PPP3R1: variants seen among roughly 807,000 people sequenced by gnomAD.
PPP3R1 encodes calcineurin subunit B type 1.
Under a neutral mutation model 22.6 loss-of-function variants are expected in PPP3R1, and 5 were observed. The ratio of observed to expected loss-of-function variants is 0.22; its 90% CI spans 0.12 to 0.46. The LOEUF is 0.46. Ranked by LOEUF, PPP3R1 falls within the 20% of genes least tolerant of loss-of-function variation. The pLI is 0.99. For missense variants in PPP3R1, 61 were observed against 203.2 expected (o/e 0.30, Z 4.25); for synonymous variants, 56 against 65.2 (o/e 0.86, Z 0.68).
At chr2:68,198,586 TTA>T (rs1416928494) in intron 2 of PPP3R1, among the ~76,000 whole-genome samples, 2 of 151,910 alleles carry the variant, frequency 1.3e-5, no homozygotes, top group Admixed American at 6.6e-5. Flanking sequence ...TACCACAGTG[TTA>T]TGTTTTATGG....
At chr2:68,251,947 C>G (rs1670371028) in intron 1 of PPP3R1, among the ~76,000 whole-genome samples, 178 bp downstream of exon 1, 1 of 147,382 alleles carries the variant, frequency 6.8e-6, no homozygotes, top group Admixed American at 6.7e-5. Context: ...GTCCTGTCAG[C>G]AGCCGCCCCG....
At chr2:68,226,821 T>A (rs1669790954) in intron 1 of PPP3R1, among the ~76,000 whole-genome samples, 1 of 152,152 alleles carries the variant, frequency 6.6e-6, no homozygotes, top group African/African-American at 2.4e-5. Flanking sequence ...AAGGTTAGAT[T>A]AAGGGCATTA....
chr2:68,230,572 G>C (rs889663178), intron 1 of PPP3R1, among the ~76,000 whole-genome samples: 2 of 125,930 alleles, frequency 1.6e-5, no homozygotes, highest in Non-Finnish European at 3.5e-5. Context: ...CTCAAAAGGA[G>C]AATGTCTATT....
intron 1 of PPP3R1, among the ~76,000 whole-genome samples, chr2:68,224,144 G>T (rs1211232046): frequency 6.6e-6 from 1 of 152,124 alleles, no homozygotes; most frequent in East Asian, 1.9e-4. Flanking sequence ...AGAAAACCCA[G>T]CTATATTTGT....
chr2:68,221,506 T>A (rs771601812), intron 1 of PPP3R1, among the ~76,000 whole-genome samples: 2 of 152,118 alleles, frequency 1.3e-5, no homozygotes. Context: ...AATAAATAAA[T>A]AAACAAATGT....
chr2:68,211,002 A>C (rs1179616463), intron 2 of PPP3R1, among the ~76,000 whole-genome samples: 1 of 152,170 alleles, frequency 6.6e-6, no homozygotes, highest in Non-Finnish European at 1.5e-5. Flanking sequence ...GAACTACATG[A>C]ATTTTTTTGT....
At chr2:68,227,212 A>G (rs1669799299) in intron 1 of PPP3R1, among the ~76,000 whole-genome samples, 1 of 151,984 alleles carries the variant, frequency 6.6e-6, no homozygotes, top group African/African-American at 2.4e-5. Flanking sequence ...AAATTTCTTT[A>G]TTTTCCTGAT....
rs1670043675 is a variant in PPP3R1 at position 68,237,666 on chromosome 2, C to T, written c.3+14459G>A. On this transcript the variant is annotated intron_variant, in intron 1 of 5. Transcript: ENST00000234310. ...AGAAATCTAGCACTTCATAGTAGCG[C>T]TACTGAAGCACTTACTATAATATTT... Among the ~76,000 whole-genome samples the T allele has an allele frequency of 2.0e-5, 3 of 152,218 alleles. No homozygotes were observed. In the South Asian group the frequency reaches 6.2e-4, roughly 32 times the overall value.
chr2:68,224,393 G>A (rs557183417), intron 1 of PPP3R1, among the ~76,000 whole-genome samples: 39 of 152,336 alleles, frequency 2.6e-4, no homozygotes, highest in African/African-American at 9.1e-4. Flanking sequence ...GGGTGCGGTA[G>A]CTCATGCCTG....
intron 1 of PPP3R1, among the ~76,000 whole-genome samples, chr2:68,219,184 A>C (rs1023843718): frequency 7.2e-5 from 11 of 152,144 alleles, no homozygotes; most frequent in Non-Finnish European, 7.4e-5. Context: ...TCACTCTCCC[A>C]AACAGCACCA....
intron 1 of PPP3R1, among the ~76,000 whole-genome samples, chr2:68,232,579 A>G (rs1418019046): frequency 6.6e-6 from 1 of 152,002 alleles, no homozygotes; most frequent in African/African-American, 2.4e-5. Context: ...TATTTGTCCT[A>G]ATATTCTATT....
chr2:68,229,973 TACACACACACACACACACACACAC>T (rs201152385), intron 1 of PPP3R1, among the ~76,000 whole-genome samples: 15 of 143,252 alleles, frequency 1.0e-4, no homozygotes, highest in East Asian at 2.1e-4. Flanking sequence ...TATACACACA[TACACACACACACACACACACACAC>T]ACACACACAC....
chr2:68,230,421 C>G (rs1669873306), intron 1 of PPP3R1, among the ~76,000 whole-genome samples: 1 of 152,222 alleles, frequency 6.6e-6, no homozygotes, highest in African/African-American at 2.4e-5. Flanking sequence ...GTACATTACA[C>G]AGATAACTTT....
chr2:68,230,001 CACACACACACAT>C (rs1327468702), intron 1 of PPP3R1, among the ~76,000 whole-genome samples: 112 of 138,158 alleles, frequency 8.1e-4, no homozygotes, highest in African/African-American at 3.3e-3. Context: ...CACACACACA[CACACACACACAT>C]ATATATTTGG....
At chr2:68,246,637 T>C (rs973317785) in intron 1 of PPP3R1, among the ~76,000 whole-genome samples, 6 of 152,210 alleles carry the variant, frequency 3.9e-5, no homozygotes, top group Admixed American at 3.9e-4. Context: ...TAAGACTCCC[T>C]TCAATCTGGC....
chr2:68,197,464 A>T (rs1674810823), intron 2 of PPP3R1, among the ~76,000 whole-genome samples: 1 of 147,956 alleles, frequency 6.8e-6, no homozygotes, highest in Non-Finnish European at 1.5e-5. Context: ...GCTACTATAA[A>T]TATTAATGTG....
intron 1 of PPP3R1, among the ~76,000 whole-genome samples, chr2:68,224,915 A>G (rs1392230368): frequency 1.3e-5 from 2 of 152,272 alleles, no homozygotes; most frequent in East Asian, 1.9e-4. Flanking sequence ...TATGATTAAC[A>G]TCAAATAAAC....
At chr2:68,198,186 ATATAT>A (rs1351436256) in intron 2 of PPP3R1, among the ~76,000 whole-genome samples, 2 of 139,090 alleles carry the variant, frequency 1.4e-5, no homozygotes, top group East Asian at 2.0e-4. Context: ...TGTATATATA[ATATAT>A]ATTTACATAT....
chr2:68,198,399 A>G (rs953514751), intron 2 of PPP3R1, among the ~76,000 whole-genome samples: 1 of 88,540 alleles, frequency 1.1e-5, no homozygotes, highest in Non-Finnish European at 2.2e-5. Context: ...ATATGTATAT[A>G]TATGTGTATG....
Sources: gnomAD v4.1 joint callset for allele counts (sites outside exome capture counted in the v4.1 genomes callset) on GRCh38, gnomAD v4.1.1 for gene constraint, MANE v1.5 for transcripts, NCBI Gene and HGNC (gene_info 2026-07-23, HGNC 2026-07-21) for gene names.